PRKCA: variants seen among roughly 807,000 people sequenced by gnomAD.
The protein encoded by PRKCA is protein kinase C alpha, also known as protein kinase C alpha type.
In PRKCA, 27 loss-of-function variants were observed where a neutral mutation model predicts 87.0. That is an observed-to-expected ratio of 0.31 (90% CI 0.23 to 0.43). The LOEUF is 0.43. Among genes scored for constraint, PRKCA ranks in the 20% least tolerant of loss-of-function variants. The pLI is 1.00. For synonymous variants in PRKCA, 329 were observed against 311.1 expected, an observed-to-expected ratio of 1.06 and a Z score of -0.61; for missense variants, 518 against 852.3, an observed-to-expected ratio of 0.61 and a Z score of 4.88.
At position 66,302,613 on chromosome 17, in the gene PRKCA, G is replaced by A. The variant is rs1408560192; in HGVS notation, c.-239G>A. 6.6e-6 allele frequency: 1 copy of A among 151,392 alleles called. No individual in the cohort carries two copies. The highest frequency in any genetic ancestry group is 1.4e-5 in the Non-Finnish European group (1 of 69,692). The allele number at this position is 151,392 out of a possible 1,614,324, so 9.4% of individuals were successfully genotyped here. A position where few individuals can be genotyped will look rare whatever the true frequency, so the allele number is the denominator to read the frequency against. The stretch of plus-strand genomic sequence containing the variant: ...AAGCGCGAGCGCCGGGCACCGGGCT[G>A]TCAGTGAGCCTGGGGCCAGCGGGCG... On this transcript the variant is annotated 5_prime_UTR_variant, in exon 1 of 17. Transcript: ENST00000413366.
intron 2 of PRKCA, among the ~76,000 whole-genome samples, chr17:66,378,343 C>G (rs186921561): frequency 1.3e-5 from 2 of 152,178 alleles, no homozygotes; most frequent in Non-Finnish European, 2.9e-5. Context: ...TTTTTTCCCT[C>G]TATCACATAT....
At chr17:66,648,272 C>T (rs1971504565) in intron 5 of PRKCA, among the ~76,000 whole-genome samples, 3 of 152,166 alleles carry the variant, frequency 2.0e-5, no homozygotes, top group South Asian at 4.2e-4. Flanking sequence ...ACTATCACAC[C>T]GGGAATCCAA....
chr17:66,493,304 TG>T lies in PRKCA; in HGVS notation c.206-2896del, dbSNP rs1386895738. On this transcript the variant is annotated intron_variant, in intron 2 of 16. Coordinates refer to ENST00000413366, the MANE Select transcript of PRKCA (RefSeq NM_002737.3). ...ATGTCTATGTAGGTATATTTGTGTG[TG>T]TGTGTGTGTGTGTGTGTGTGTATGT... Among the ~76,000 whole-genome samples, 9 of 150,924 alleles carry T rather than the reference TG, an allele frequency of 6.0e-5. 1 individual carries two copies. The highest frequency in any genetic ancestry group is 3.9e-4 in the East Asian group (2 of 5,100).
At chr17:66,732,895 G>C in intron 9 of PRKCA, 70 bp downstream of exon 9, 1 of 1,552,518 alleles carries the variant, frequency 6.4e-7, no homozygotes, top group African/African-American at 1.4e-5. Context: ...TGTTCTCCTC[G>C]TAGTTTGCAG....
At chr17:66,524,639 C>T (rs1035007551) in intron 3 of PRKCA, among the ~76,000 whole-genome samples, 3 of 152,178 alleles carry the variant, frequency 2.0e-5, no homozygotes, top group Non-Finnish European at 4.4e-5. Flanking sequence ...CACTGCTTGC[C>T]TTTTATGGGC....
intron 2 of PRKCA, among the ~76,000 whole-genome samples, chr17:66,420,594 T>C (rs1417400601): frequency 6.6e-6 from 1 of 152,194 alleles, no homozygotes. Context: ...TGTAGGCTCA[T>C]GTAAGTGTTC....
chr17:66,762,068 G>A lies in PRKCA; in HGVS notation c.1525-11919G>A, dbSNP rs78644982. 5.3e-3 allele frequency among the ~76,000 whole-genome samples: 805 copies of A among 152,262 alleles called. 5 individuals carry two copies. The highest frequency in any genetic ancestry group is 0.012 in the Admixed American group (180 of 15,292). On this transcript the variant is annotated intron_variant, in intron 13 of 16. Coordinates refer to ENST00000413366, the MANE Select transcript of PRKCA (RefSeq NM_002737.3). ...ATCTGTTTGATTCACTTCTGTAACT[G>A]ATTCACTTCTGATTTACTATGTCTG...
intron 14 of PRKCA, among the ~76,000 whole-genome samples, chr17:66,780,613 G>T (rs1975181443): frequency 1.3e-5 from 2 of 151,596 alleles, no homozygotes; most frequent in Admixed American, 6.6e-5. Flanking sequence ...GAGGCGGAAG[G>T]TTGCAGTGAG....
At chr17:66,617,435 A>G (rs1351617686) in intron 3 of PRKCA, among the ~76,000 whole-genome samples, 4 of 152,140 alleles carry the variant, frequency 2.6e-5, no homozygotes, top group Non-Finnish European at 5.9e-5. Flanking sequence ...GGAGGATTAC[A>G]GGGCCATTGA....
chr17:66,303,059 T>C (rs1465102142), intron 1 of PRKCA, 35 bp downstream of exon 1: 2 of 1,582,222 alleles, frequency 1.3e-6, no homozygotes, highest in East Asian at 2.4e-5. Flanking sequence ...GCCCCGCTCC[T>C]CCCCGCCTCC....
intron 3 of PRKCA, among the ~76,000 whole-genome samples, chr17:66,629,043 G>T (rs1335727553): frequency 6.6e-6 from 1 of 152,086 alleles, no homozygotes; most frequent in East Asian, 1.9e-4. Context: ...AACAAAAAAA[G>T]AAAATAAAAT....
chr17:66,723,240 C>T (rs527822960), intron 8 of PRKCA, among the ~76,000 whole-genome samples: 2 of 152,340 alleles, frequency 1.3e-5, no homozygotes, highest in East Asian at 3.9e-4. Flanking sequence ...ATCCCAGAGG[C>T]CTTCAGTGTA....
At chr17:66,410,562 G>T (rs1598649314) in intron 2 of PRKCA, among the ~76,000 whole-genome samples, 1 of 152,182 alleles carries the variant, frequency 6.6e-6, no homozygotes, top group African/African-American at 2.4e-5. Flanking sequence ...GACATTGTTA[G>T]GTAGTTGAAC....
At chr17:66,345,898 C>T (rs1225202389) in intron 2 of PRKCA, among the ~76,000 whole-genome samples, 1 of 152,086 alleles carries the variant, frequency 6.6e-6, no homozygotes, top group Non-Finnish European at 1.5e-5. Flanking sequence ...AGCACAGTGC[C>T]TGGCATATAA....
At chr17:66,717,174 T>A (rs1021938595) in intron 8 of PRKCA, among the ~76,000 whole-genome samples, 1 of 152,212 alleles carries the variant, frequency 6.6e-6, no homozygotes, top group Non-Finnish European at 1.5e-5. Context: ...ACCTGCGTGA[T>A]ACAGGGCAAG....
At chr17:66,576,950 C>G (rs542705318) in intron 3 of PRKCA, among the ~76,000 whole-genome samples, 4 of 151,174 alleles carry the variant, frequency 2.6e-5, no homozygotes, top group African/African-American at 9.7e-5. Flanking sequence ...TCTTGGCTCA[C>G]TGCAGCCTCC....
chr17:66,729,780 C>CTTT (rs60247180), intron 8 of PRKCA, among the ~76,000 whole-genome samples: 3,919 of 105,042 alleles, frequency 0.037, 473 homozygotes, highest in African/African-American at 0.12. Flanking sequence ...GCGAGTTATT[C>CTTT]TTTTTTTTTT....
chr17:66,714,127 C>T (rs1049269047), intron 8 of PRKCA, among the ~76,000 whole-genome samples: 3 of 152,090 alleles, frequency 2.0e-5, no homozygotes, highest in East Asian at 3.9e-4. Flanking sequence ...AGGAGTATCT[C>T]GTGCGGTGGT....
In PRKCA at chr17:66,361,315, A is replaced by ATT. The variant is rs71160562; in HGVS notation, c.205+55201_205+55202dup. Among the ~76,000 whole-genome samples, 220 of 146,628 alleles carry ATT rather than the reference A, an allele frequency of 1.5e-3. 1 individual carries two copies. Among genetic ancestry groups the ATT allele is most frequent in the Middle Eastern group, 3.5e-3 (1 of 284 alleles). ...GTCTTTCAAAAGACGCATACATTAG[A>ATT]TTTTTTTTTTTTTTAGGACAGGGTC... On this transcript the variant is annotated intron_variant, in intron 2 of 16. Coordinates refer to ENST00000413366, the MANE Select transcript of PRKCA (RefSeq NM_002737.3).
Sources: allele counts gnomAD v4.1 joint callset (sites outside exome capture counted in the v4.1 genomes callset), GRCh38; gene constraint gnomAD v4.1.1; transcripts MANE v1.5; gene names NCBI Gene and HGNC (gene_info 2026-07-23, HGNC 2026-07-21).